The following SPMIP2 variants were observed in gnomAD, a reference collection of about 807,000 sequenced individuals.
SPMIP2 encodes the protein sperm microtubule inner protein 2.
At chr4:158,947,938 T>A in the SPMIP2 span, among the ~76,000 whole-genome samples, 1 of 152,232 alleles carries the variant, frequency 6.6e-6, no homozygotes, top group South Asian at 2.1e-4. Context: ...TTTAGATACA[T>A]GTAGATAATA....
the SPMIP2 span, among the ~76,000 whole-genome samples, chr4:158,899,002 T>C: frequency 6.6e-6 from 1 of 152,214 alleles, no homozygotes; most frequent in Non-Finnish European, 1.5e-5. Context: ...CTCTTATTAT[T>C]TTGGGATACG....
chr4:158,972,782 A>G, the SPMIP2 span, among the ~76,000 whole-genome samples: 1 of 152,212 alleles, frequency 6.6e-6, no homozygotes, highest in Non-Finnish European at 1.5e-5. Flanking sequence ...AGGATGGGGG[A>G]AGAGTGTGTG....
At chr4:158,999,876 AT>A in the SPMIP2 span, among the ~76,000 whole-genome samples, 7 of 151,852 alleles carry the variant, frequency 4.6e-5, no homozygotes, top group South Asian at 4.2e-4. Flanking sequence ...GTAAATAAAC[AT>A]TTTTTTTTAA....
the SPMIP2 span, chr4:158,895,688 T>C: frequency 2.0e-6 from 2 of 1,019,646 alleles, no homozygotes; most frequent in Non-Finnish European, 3.0e-6. Context: ...AAATTCTGAC[T>C]CTTAAAATAT....
the SPMIP2 span, among the ~76,000 whole-genome samples, chr4:159,058,650 T>C: frequency 2.6e-5 from 4 of 152,132 alleles, no homozygotes; most frequent in African/African-American, 9.7e-5. Flanking sequence ...TCTATGACTA[T>C]CAATCTAGAA....
At chr4:158,989,547 A>T in the SPMIP2 span, among the ~76,000 whole-genome samples, 1 of 152,162 alleles carries the variant, frequency 6.6e-6, no homozygotes, top group South Asian at 2.1e-4. Flanking sequence ...AGACCGATGG[A>T]ACAGAACAGA....
At chr4:158,992,810 A>T in the SPMIP2 span, among the ~76,000 whole-genome samples, 798 of 152,318 alleles carry the variant, frequency 5.2e-3, 6 homozygotes, top group African/African-American at 0.018. Flanking sequence ...AGCCTTCTTT[A>T]TAAAGGCTTT....
chr4:158,985,959 C>G, the SPMIP2 span, among the ~76,000 whole-genome samples: 18 of 148,134 alleles, frequency 1.2e-4, no homozygotes, highest in Non-Finnish European at 2.5e-4. Flanking sequence ...AATCAATGTA[C>G]AAAAATCACA....
the SPMIP2 span, among the ~76,000 whole-genome samples, chr4:159,080,580 A>C: frequency 6.6e-6 from 1 of 152,210 alleles, no homozygotes; most frequent in South Asian, 2.1e-4. Flanking sequence ...TATAGATTAA[A>C]GCAGCGATTC....
chr4:159,016,168 A>G, the SPMIP2 span, among the ~76,000 whole-genome samples: 1 of 152,240 alleles, frequency 6.6e-6, no homozygotes, highest in South Asian at 2.1e-4. Flanking sequence ...GGAATCTGTT[A>G]AATTTTCCTG....
At chr4:158,915,415 A>G in the SPMIP2 span, 1 of 1,387,398 alleles carries the variant, frequency 7.2e-7, no homozygotes, top group Non-Finnish European at 9.9e-7. Context: ...CAAGGCCACC[A>G]GTTTTCAGAT....
the SPMIP2 span, among the ~76,000 whole-genome samples, chr4:159,053,444 A>G: frequency 6.6e-6 from 1 of 152,200 alleles, no homozygotes; most frequent in Non-Finnish European, 1.5e-5. Context: ...AGGAGAATAC[A>G]AGGATGGCTG....
chr4:158,936,431 C>T, the SPMIP2 span, among the ~76,000 whole-genome samples: 9 of 152,154 alleles, frequency 5.9e-5, no homozygotes, highest in Non-Finnish European at 1.0e-4. Flanking sequence ...TGAAGAGGAC[C>T]GGTGCCATAT....
chr4:159,011,737 A>T, the SPMIP2 span, among the ~76,000 whole-genome samples: 5 of 134,792 alleles, frequency 3.7e-5, no homozygotes, highest in Non-Finnish European at 7.8e-5. Context: ...CCGGGCAACA[A>T]GATCGAAACT....
the SPMIP2 span, among the ~76,000 whole-genome samples, chr4:158,922,579 G>C: frequency 6.6e-6 from 1 of 151,978 alleles, no homozygotes; most frequent in Non-Finnish European, 1.5e-5. Flanking sequence ...TCATGTTTTA[G>C]GTCACTTTTA....
the SPMIP2 span, among the ~76,000 whole-genome samples, chr4:159,060,654 A>C: frequency 6.6e-6 from 1 of 152,240 alleles, no homozygotes; most frequent in African/African-American, 2.4e-5. Flanking sequence ...AGGTGGCCAG[A>C]GAGATGGAGA....
At chr4:159,067,166 AT>A in the SPMIP2 span, among the ~76,000 whole-genome samples, 1 of 152,246 alleles carries the variant, frequency 6.6e-6, no homozygotes, top group Non-Finnish European at 1.5e-5. Context: ...TAAAATAAAC[AT>A]AAATGTGATT....
chr4:159,058,919 G>A, the SPMIP2 span, among the ~76,000 whole-genome samples: 2 of 88,248 alleles, frequency 2.3e-5, no homozygotes, highest in South Asian at 7.7e-4. Context: ...CAAATGGCAT[G>A]TAATTCCTAC....
At chr4:158,897,215 C>G in the SPMIP2 span, among the ~76,000 whole-genome samples, 1 of 152,160 alleles carries the variant, frequency 6.6e-6, no homozygotes, top group Admixed American at 6.5e-5. Context: ...TGTATATGTG[C>G]CACATTTTCT....
Sources: gnomAD v4.1 joint callset for allele counts (sites outside exome capture counted in the v4.1 genomes callset) on GRCh38, gnomAD v4.1.1 for gene constraint, MANE v1.5 for transcripts, NCBI Gene and HGNC (gene_info 2026-07-23, HGNC 2026-07-21) for gene names.